PADI1: variants seen among roughly 807,000 people sequenced by gnomAD.
PADI1 encodes protein-arginine deiminase type-1.
Under a neutral mutation model 74.8 loss-of-function variants are expected in PADI1, and 65 were observed. That is an observed-to-expected ratio of 0.87 (90% CI 0.71 to 1.07). The LOEUF (loss-of-function observed/expected upper bound fraction) is 1.07. Among genes scored for constraint, PADI1 ranks in the 50% least tolerant of loss-of-function variants. The pLI, the probability that PADI1 is intolerant of heterozygous loss-of-function variation, is 0.00. For synonymous variants in PADI1, 371 were observed against 336.2 expected (o/e 1.10, Z -1.13); for missense variants, 943 against 854.0 (o/e 1.10, Z -1.30).
rs540651649 is a variant in PADI1, at chr1:17,239,111, G to A, written c.1552+402G>A. ...GGAGGAGAAGCCAGGCTTGGTCAGGGCCCCTCTGCAGAGCTTCCTGCAGGA... is the reference window on the plus strand; with the variant it reads ...GGAGGAGAAGCCAGGCTTGGTCAGGACCCCTCTGCAGAGCTTCCTGCAGGA... On this transcript the variant is annotated intron_variant, in intron 13 of 15. Transcript: ENST00000375471. Among the ~76,000 whole-genome samples, 11 of 152,300 alleles carry A rather than the reference G, an allele frequency of 7.2e-5. No individual in the cohort carries two copies. The South Asian group carries it at 2.3e-3, about 32-fold the overall frequency.
At chr1:17,243,938 G>A in intron 15 of PADI1, 72 bp from the exon 16 acceptor site, 1 of 1,077,728 alleles carries the variant, frequency 9.3e-7, no homozygotes, top group Non-Finnish European at 1.4e-6. Context: ...GTCTCATTCT[G>A]GCAAGGAAGG....
intron 14 of PADI1, chr1:17,240,232 G>A (rs967495259): frequency 8.7e-5 from 21 of 241,592 alleles, no homozygotes; most frequent in African/African-American, 3.5e-4. Flanking sequence ...CATGCAAGGC[G>A]AAGGGGCTAG....
intron 15 of PADI1, among the ~76,000 whole-genome samples, chr1:17,242,408 A>C (rs1001427350): frequency 2.0e-5 from 3 of 152,252 alleles, no homozygotes; most frequent in Non-Finnish European, 4.4e-5. Context: ...AACTTTATGT[A>C]AGTTTAATTT....
At chr1:17,208,375 C>T (rs1235887907) in intron 1 of PADI1, among the ~76,000 whole-genome samples, 2 of 152,140 alleles carry the variant, frequency 1.3e-5, no homozygotes, top group Non-Finnish European at 2.9e-5. Flanking sequence ...AGGTCCCATC[C>T]CCACACCCCA....
At position 17,224,394 on chromosome 1, in the gene PADI1, G is replaced by T. The variant is rs142964003; in HGVS notation, c.374G>T (p.Arg125Leu). The T allele has an allele frequency of 2.5e-6, 4 of 1,613,804 alleles. No homozygotes were observed. The highest frequency in any genetic ancestry group is 1.1e-5 in the South Asian group (1 of 91,000). Residue 125 changes from arginine (R) to leucine (L), a missense_variant, in exon 4 of 16, where the codon CGC becomes CTC. Transcript: ENST00000375471. ...VDISLEVDTG[R>L]TGKVKRSQGD... ...ATTTCCCTTGAGGTTGACACAGGCC[G>T]CACAGGCAAGGTGAAGAGGAGCCAA...
chr1:17,239,827 T>G, intron 14 of PADI1, 44 bp downstream of exon 14: 2 of 1,483,704 alleles, frequency 1.3e-6, no homozygotes, highest in Non-Finnish European at 1.9e-6. Flanking sequence ...TCCTTTCCCT[T>G]CCAGGGAGAA....
At position 17,237,236 on chromosome 1, in the gene PADI1, C is replaced by T; in HGVS notation, c.1314-78C>T. On this transcript the variant is annotated intron_variant, in intron 11 of 15. Transcript: ENST00000375471. Reference sequence around the variant, plus strand: ...TTTGAGCAATTCCGCCCCCTGGTGGCAGATCTGATGATGACTCAGGCAAGG... The same window carrying T: ...TTTGAGCAATTCCGCCCCCTGGTGGTAGATCTGATGATGACTCAGGCAAGG... 3 of 1,468,694 alleles carry T rather than the reference C, an allele frequency of 2.0e-6. No homozygotes were observed. In the South Asian group the frequency reaches 4.1e-5, roughly 20 times the overall value. 91.0% of individuals were successfully genotyped at this position (1,468,694 alleles called of 1,614,324 possible).
chr1:17,239,843 C>A (rs1219516700), intron 14 of PADI1, 60 bp downstream of exon 14: 1 of 1,375,316 alleles, frequency 7.3e-7, no homozygotes, highest in Admixed American at 1.8e-5. Flanking sequence ...GAGAAGAAGC[C>A]CCAGGAACTG....
chr1:17,226,286 T>C (rs2072309683), intron 6 of PADI1, 128 bp downstream of exon 6: 1 of 1,006,262 alleles, frequency 9.9e-7, no homozygotes, highest in Non-Finnish European at 1.5e-6. Context: ...AACCACTCCA[T>C]CAGTACCAAA....
At chr1:17,215,904 A>G (rs1288442245) in intron 1 of PADI1, among the ~76,000 whole-genome samples, 1 of 152,212 alleles carries the variant, frequency 6.6e-6, no homozygotes. Context: ...GGCCGGTGCC[A>G]TGGGCTGGAA....
intron 11 of PADI1, among the ~76,000 whole-genome samples, chr1:17,235,157 GAGGGAGGA>G: frequency 7.2e-6 from 1 of 139,518 alleles, no homozygotes; most frequent in African/African-American, 2.6e-5. Flanking sequence ...GGGAGGGAGG[GAGGGAGGA>G]AGGGAAGGAA....
chr1:17,226,178 CT>C lies in PADI1; in HGVS notation c.652+24del. The C allele has an allele frequency of 6.2e-7, 1 of 1,613,452 alleles. No individual in the cohort carries two copies. The highest frequency in any genetic ancestry group is 8.5e-7 in the Non-Finnish European group (1 of 1,179,522). ...CCAGGGGTGAGTGGCCTGATGGGGC[CT>C]TTTCCTCCCAGCTCCATCCATATCT... On this transcript the variant is annotated intron_variant, in intron 6 of 15. Coordinates refer to ENST00000375471, the MANE Select transcript of PADI1 (RefSeq NM_013358.3).
intron 11 of PADI1, 92 bp downstream of exon 11, chr1:17,233,062 T>C (rs2100498604): frequency 8.4e-7 from 1 of 1,187,818 alleles, no homozygotes; most frequent in Non-Finnish European, 1.1e-6. Flanking sequence ...AATTCCCCAG[T>C]CTGAGAAGTG....
At position 17,239,780 on chromosome 1, in the gene PADI1, A is replaced by G. The variant is rs769629690; in HGVS notation, c.1629A>G (p.Ala543=). The change falls in exon 14 of 16, where the codon GCA becomes GCG. Residue 543 remains alanine, a synonymous_variant. Transcript: ENST00000375471. The part of the protein sequence containing the change: ...DRHLQRDNLH[A]QKCIDWNRNV... The stretch of plus-strand genomic sequence containing the variant: ...ACCTCCAGAGAGACAATCTTCATGC[A>G]CAGGTGAGAGGCAGGACCACCAGCT... 6.6e-5 allele frequency: 106 copies of G among 1,612,128 alleles called. No individual in the cohort carries two copies. Among genetic ancestry groups the G allele is most frequent in the Non-Finnish European group, 8.5e-5 (100 of 1,178,346 alleles).
rs571111576 is a variant in PADI1 at position 17,242,225 on chromosome 1, A to G, written c.1758+1465A>G. 3.3e-5 allele frequency among the ~76,000 whole-genome samples: 5 copies of G among 152,318 alleles called. No individual in the cohort carries two copies. In the South Asian group the frequency reaches 8.3e-4, roughly 25 times the overall value. ...AGCACTCTCCCAGATGTGACAACCA[A>G]AAATGCCCTAGTGGACAAAATGGAC... On this transcript the variant is annotated intron_variant, in intron 15 of 15. Transcript: ENST00000375471.
chr1:17,232,890 C>A lies in PADI1; in HGVS notation c.1233C>A (p.Asn411Lys), dbSNP rs2072534437. 6.2e-7 allele frequency: 1 copy of A among 1,613,596 alleles called. No individual in the cohort carries two copies. Among genetic ancestry groups the A allele is most frequent in the Non-Finnish European group, 8.5e-7 (1 of 1,179,948 alleles). ...PGPSSLDSFG[N>K]LDVSPPVTVG... ...CCTCCAGCCTTGACTCCTTCGGCAA[C>A]CTGGACGTCAGCCCGCCCGTCACGG... is the stretch of plus-strand genomic sequence containing the variant. The change falls in exon 11 of 16, where the codon AAC (asparagine) becomes AAA (lysine). Residue 411 changes from asparagine to lysine, a missense_variant. By Grantham distance (94) the Asn-to-Lys change is moderately conservative. Coordinates refer to ENST00000375471, the MANE Select transcript of PADI1 (RefSeq NM_013358.3).
At chr1:17,238,074 A>C (rs190920483) in intron 12 of PADI1, among the ~76,000 whole-genome samples, 169 of 152,318 alleles carry the variant, frequency 1.1e-3, no homozygotes, top group African/African-American at 3.6e-3. Context: ...TTCGAGACAG[A>C]ATCTTGCTCT....
intron 1 of PADI1, among the ~76,000 whole-genome samples, chr1:17,214,539 T>C (rs2071922413): frequency 6.6e-6 from 1 of 152,134 alleles, no homozygotes; most frequent in Non-Finnish European, 1.5e-5. Context: ...TGACTGTGCA[T>C]TTGGGGACAT....
intron 15 of PADI1, among the ~76,000 whole-genome samples, chr1:17,242,074 A>G (rs537339552): frequency 1.4e-4 from 22 of 152,332 alleles, no homozygotes; most frequent in African/African-American, 5.1e-4. Flanking sequence ...GAGACCCCCA[A>G]GCAGGATTTC....
Sources: gnomAD v4.1 joint callset for allele counts (sites outside exome capture counted in the v4.1 genomes callset) on GRCh38, gnomAD v4.1.1 for gene constraint, MANE v1.5 for transcripts, NCBI Gene and HGNC (gene_info 2026-07-23, HGNC 2026-07-21) for gene names.